LRP1B: variants seen among roughly 807,000 people sequenced by gnomAD.
LRP1B encodes low-density lipoprotein receptor-related protein 1B.
Under a neutral mutation model 556.6 loss-of-function variants are expected in LRP1B, and 217 were observed. The ratio of observed to expected loss-of-function variants is 0.39; its 90% CI spans 0.35 to 0.44. The LOEUF (loss-of-function observed/expected upper bound fraction) is 0.44. Among genes scored for constraint, LRP1B ranks in the 20% least tolerant of loss-of-function variants. LRP1B has a pLI of 1.00. For missense variants in LRP1B, 5,053 were observed against 5,620.8 expected (o/e 0.90, Z 3.23); for synonymous variants, 2,047 against 1,865.8 (o/e 1.10, Z -2.50).
intron 1 of LRP1B, among the ~76,000 whole-genome samples, chr2:142,023,029 G>A (rs190881040): frequency 1.1e-3 from 174 of 152,220 alleles, no homozygotes; most frequent in African/African-American, 3.9e-3. Context: ...AAAGATCAAT[G>A]GAGACCAGGT....
rs1037411996 is a variant in LRP1B at position 140,956,595 on chromosome 2, G to A, written c.2888-4655C>T. Among the ~76,000 whole-genome samples the A allele has an allele frequency of 2.0e-5, 3 of 151,658 alleles. No homozygotes were observed. In the East Asian group the frequency reaches 5.8e-4, roughly 29 times the overall value. On this transcript the variant is annotated intron_variant, in intron 18 of 90. Coordinates refer to ENST00000389484, the MANE Select transcript of LRP1B (RefSeq NM_018557.3). ...CACTAGTTGTGGCTCCCAAGAATTG[G>A]TACTTATATAGGACAGACTTCAAAT...
rs188577324 is a variant in LRP1B at position 141,600,693 on chromosome 2, A to C, written c.206-120160T>G. On this transcript the variant is annotated intron_variant, in intron 2 of 90. Coordinates refer to ENST00000389484, the MANE Select transcript of LRP1B (RefSeq NM_018557.3). ...GGGTCTCTGCCCATAAAATAAGAAA[A>C]ATTTCTTTATTCATTGGATTCTTTT... Among the ~76,000 whole-genome samples the C allele has an allele frequency of 3.0e-3, 459 of 152,082 alleles. 2 individuals are homozygous for C. The highest frequency in any genetic ancestry group is 0.011 in the African/African-American group (446 of 41,482).
At chr2:141,139,064 T>C (rs955089857) in intron 7 of LRP1B, among the ~76,000 whole-genome samples, 10 of 151,956 alleles carry the variant, frequency 6.6e-5, no homozygotes. Flanking sequence ...ATAGCTTATT[T>C]GTGGCAAAGA....
Position 140,324,026 on chromosome 2 carries a change from A to G in LRP1B, c.12381T>C (p.Tyr4127=), listed in dbSNP as rs553960972. 5.0e-6 allele frequency: 8 copies of G among 1,610,592 alleles called. No individual in the cohort carries two copies. In the African/African-American group the frequency reaches 1.1e-4, roughly 21 times the overall value. ...HPHRIDIFED[Y]IYGAGPKNGV... is the part of the protein sequence containing the mutation. ...CATTTTTAGGTCCTGCTCCATATAT[A>G]TAATCTTCAAAGATATCGATCCTAT... Residue 4127 remains tyrosine, a synonymous_variant, in exon 81 of 91, where the codon TAT becomes TAC. Transcript: ENST00000389484.
intron 7 of LRP1B, among the ~76,000 whole-genome samples, chr2:141,073,804 T>A (rs1039871202): frequency 6.6e-6 from 1 of 152,042 alleles, no homozygotes; most frequent in Non-Finnish European, 1.5e-5. Context: ...ATGTCCAACT[T>A]ATCACCACAT....
chr2:140,430,851 T>G (rs1305572206), intron 66 of LRP1B, among the ~76,000 whole-genome samples: 1 of 152,178 alleles, frequency 6.6e-6, no homozygotes, highest in Non-Finnish European at 1.5e-5. Flanking sequence ...CCCTCAGGGA[T>G]TGTTCAGGTC....
chr2:142,102,218 T>C (rs893331775), intron 1 of LRP1B, among the ~76,000 whole-genome samples: 1 of 151,962 alleles, frequency 6.6e-6, no homozygotes, highest in African/African-American at 2.4e-5. Context: ...ACATTAGCCT[T>C]ATGCATGTTA....
intron 7 of LRP1B, among the ~76,000 whole-genome samples, chr2:141,065,007 T>C (rs1230716374): frequency 6.6e-6 from 1 of 151,910 alleles, no homozygotes; most frequent in Admixed American, 6.6e-5. Flanking sequence ...ATAATTTGTA[T>C]TTTACAGATG....
intron 2 of LRP1B, among the ~76,000 whole-genome samples, chr2:141,517,476 G>A (rs1684368339): frequency 6.6e-6 from 1 of 152,032 alleles, no homozygotes; most frequent in Non-Finnish European, 1.5e-5. Context: ...AAATCACTAG[G>A]TATGCAATAC....
At chr2:140,266,288 T>C (rs1052706363) in intron 86 of LRP1B, among the ~76,000 whole-genome samples, 3 of 152,018 alleles carry the variant, frequency 2.0e-5, no homozygotes, top group African/African-American at 4.8e-5. Flanking sequence ...AACTGAGAAA[T>C]CCAATAAACC....
At chr2:141,175,966 T>G (rs1009284500) in intron 7 of LRP1B, among the ~76,000 whole-genome samples, 2 of 152,084 alleles carry the variant, frequency 1.3e-5, no homozygotes, top group African/African-American at 4.8e-5. Flanking sequence ...TAGGATTAAG[T>G]GACTGCCCTG....
intron 1 of LRP1B, among the ~76,000 whole-genome samples, chr2:142,002,392 TG>T (rs1455048409): frequency 6.6e-6 from 1 of 152,074 alleles, no homozygotes; most frequent in African/African-American, 2.4e-5. Context: ...TAATCTACAC[TG>T]GGTTTTAAAA....
intron 29 of LRP1B, among the ~76,000 whole-genome samples, chr2:140,849,702 G>T (rs909966909): frequency 1.3e-5 from 2 of 151,808 alleles, no homozygotes; most frequent in Non-Finnish European, 2.9e-5. Flanking sequence ...ACCACATTTG[G>T]CTAATTTTGT....
At chr2:140,256,488 AAGAC>A (rs1681693422) in intron 86 of LRP1B, among the ~76,000 whole-genome samples, 1 of 45,220 alleles carries the variant, frequency 2.2e-5, no homozygotes. Flanking sequence ...TTTTTTTTTT[AAGAC>A]AGAGTCTTGC....
chr2:141,638,798 T>C lies in LRP1B; in HGVS notation c.206-158265A>G, dbSNP rs1474205811. 9.9e-5 allele frequency among the ~76,000 whole-genome samples: 10 copies of C among 101,292 alleles called. 3 individuals are homozygous for C. In the East Asian group the frequency reaches 2.4e-3, roughly 25 times the overall value. The allele number at this position is 101,292 out of a possible 152,430, so 66.5% of individuals were successfully genotyped here. ...TGGCATGGTATTAGTACTGGGTACA[T>C]GAAAGCATCAGTGGAAGAAGGGCAA... On this transcript the variant is annotated intron_variant, in intron 2 of 90. Transcript: ENST00000389484.
At chr2:140,847,467 T>C (rs1692305993) in intron 29 of LRP1B, among the ~76,000 whole-genome samples, 1 of 152,094 alleles carries the variant, frequency 6.6e-6, no homozygotes, top group Non-Finnish European at 1.5e-5. Context: ...TTAAGTTTCT[T>C]ACTATATAGA....
chr2:140,923,005 T>C lies in LRP1B; in HGVS notation c.3279A>G (p.Arg1093=), dbSNP rs1488293393. ...SDEKGCNGTI[R]LCDHKTKFSC... is the part of the protein sequence containing the mutation. ...AAAACTTGGTTTTGTGGTCACACAA[T>C]CGTATGGTACCATTGCAACCTTTTT... Residue 1093 remains arginine, a synonymous_variant, in exon 21 of 91, where the codon CGA becomes CGG. Transcript: ENST00000389484. 6 of 1,612,798 alleles carry C rather than the reference T, an allele frequency of 3.7e-6. No individual in the cohort carries two copies. Among genetic ancestry groups the C allele is most frequent in the South Asian group, 2.2e-5 (2 of 90,970 alleles).
At position 140,513,559 on chromosome 2, in the gene LRP1B, A is replaced by C. The variant is rs145093477; in HGVS notation, c.8269+1094T>G. Among the ~76,000 whole-genome samples the C allele has an allele frequency of 4.7e-3, 713 of 152,066 alleles. 4 individuals carry two copies. The highest frequency in any genetic ancestry group is 0.016 in the African/African-American group (654 of 41,508). On this transcript the variant is annotated intron_variant, in intron 51 of 90. Transcript: ENST00000389484. Reference sequence around the variant, plus strand: ...ATATTTGTCTGTTGTATAACTGTAAATGGTTTCAGCTGTGTAAATAAAAAG... The same window carrying C: ...ATATTTGTCTGTTGTATAACTGTAACTGGTTTCAGCTGTGTAAATAAAAAG...
chr2:142,025,980 G>C (rs1448916922), intron 1 of LRP1B, among the ~76,000 whole-genome samples: 2 of 152,020 alleles, frequency 1.3e-5, no homozygotes, highest in African/African-American at 4.8e-5. Context: ...GAGTGAACAG[G>C]TAAGCCTAGC....
Sources: gnomAD v4.1 joint callset for allele counts (sites outside exome capture counted in the v4.1 genomes callset) on GRCh38, gnomAD v4.1.1 for gene constraint, MANE v1.5 for transcripts, NCBI Gene and HGNC (gene_info 2026-07-23, HGNC 2026-07-21) for gene names.